The following ABL2 variants were observed in gnomAD, a reference collection of about 807,000 sequenced individuals.
ABL2 encodes the protein ABL proto-oncogene 2, non-receptor tyrosine kinase, also known as tyrosine-protein kinase ABL2.
In ABL2, 49 loss-of-function variants were observed where a neutral mutation model predicts 107.7. The ratio of observed to expected loss-of-function variants is 0.45; its 90% CI spans 0.36 to 0.58. The LOEUF is 0.58. Among genes scored for constraint, ABL2 ranks in the 20% least tolerant of loss-of-function variants. The pLI is 0.00. For synonymous variants in ABL2, 549 were observed against 548.6 expected, an observed-to-expected ratio of 1.00 and a Z score of -0.01; for missense variants, 1,245 against 1,457.0, an observed-to-expected ratio of 0.85 and a Z score of 2.37.
intron 1 of ABL2, among the ~76,000 whole-genome samples, chr1:179,173,176 G>A (rs1391863243): frequency 1.4e-5 from 2 of 146,598 alleles, no homozygotes; most frequent in African/African-American, 5.0e-5. Context: ...GGCGACAAGA[G>A]TGAAACTCGG....
rs2298067 is a variant in ABL2 at position 179,107,545 on chromosome 1, C to T, written c.*173G>A. ...ACCTCTCCTATACTTATGTGGTTTG[C>T]TTCTTATTTTTGAGATGAAACTGTA... On this transcript the variant is annotated 3_prime_UTR_variant, in exon 12 of 12. Coordinates refer to ENST00000502732, the MANE Select transcript of ABL2 (RefSeq NM_007314.4). 5.9e-4 allele frequency: 791 copies of T among 1,333,496 alleles called. 4 individuals carry two copies. The African/African-American group carries it at 8.8e-3, about 15-fold the overall frequency. 82.6% of individuals were successfully genotyped at this position (1,333,496 alleles called of 1,614,324 possible). A position where few individuals can be genotyped will look rare whatever the true frequency, so the allele number is the denominator to read the frequency against.
At position 179,105,595 on chromosome 1, in the gene ABL2, T is replaced by G. The variant is rs1175118255; in HGVS notation, c.*2123A>C. On this transcript the variant is annotated 3_prime_UTR_variant, in exon 12 of 12. Transcript: ENST00000502732. ...GAGATGAACCCAATCACTAGCTGCC[T>G]GTGCTGCAACTGCAGGTGACATACT... 1 of 228,768 alleles carries G rather than the reference T, an allele frequency of 4.4e-6. No individual in the cohort carries two copies. Among genetic ancestry groups the G allele is most frequent in the Non-Finnish European group, 8.7e-6 (1 of 115,382 alleles). The allele number at this position is 228,768 out of a possible 1,614,324, so 14.2% of individuals were successfully genotyped here.
chr1:179,129,506 AC>A (rs1656070317), intron 3 of ABL2, among the ~76,000 whole-genome samples: 2 of 151,974 alleles, frequency 1.3e-5, no homozygotes, highest in Admixed American at 1.3e-4. Flanking sequence ...CATGGGTGAA[AC>A]CCTGTCTCTA....
At position 179,108,388 on chromosome 1, in the gene ABL2, A is replaced by G; in HGVS notation, c.2879T>C (p.Leu960Pro). 2 of 1,614,140 alleles carry G rather than the reference A, an allele frequency of 1.2e-6. No homozygotes were observed. The highest frequency in any genetic ancestry group is 1.7e-6 in the Non-Finnish European group (2 of 1,180,032). The change falls in exon 12 of 12, where the codon CTC (leucine) becomes CCC (proline). Residue 960 changes from leucine (L) to proline (P), a missense_variant. Physicochemically the swap from Leu to Pro is moderately conservative, Grantham distance 98. Coordinates refer to ENST00000502732, the MANE Select transcript of ABL2 (RefSeq NM_007314.4). ...GGATGTGACCTGATGCTCAGATAAG[A>G]GCTTGAATTTATTCCCCTGAGAGTC... is the stretch of plus-strand genomic sequence containing the variant. ...GTDSQGNKFKLLSEHQVTSSG... is the reference protein window; with the variant it reads ...GTDSQGNKFKPLSEHQVTSSG...
chr1:179,170,843 C>T (rs1659678328), intron 1 of ABL2, among the ~76,000 whole-genome samples: 1 of 152,036 alleles, frequency 6.6e-6, no homozygotes, highest in South Asian at 2.1e-4. Flanking sequence ...GATCTGCCCG[C>T]CTCGGCCTCC....
At chr1:179,185,242 C>T (rs770705741) in intron 1 of ABL2, among the ~76,000 whole-genome samples, 1 of 152,070 alleles carries the variant, frequency 6.6e-6, no homozygotes, top group Admixed American at 6.6e-5. Flanking sequence ...ATGGGTTAAG[C>T]GGGCATTTTG....
intron 1 of ABL2, among the ~76,000 whole-genome samples, chr1:179,147,264 GA>G (rs1658063806): frequency 6.7e-6 from 1 of 150,084 alleles, no homozygotes; most frequent in Non-Finnish European, 1.5e-5. Context: ...ACTGTTGGTG[GA>G]AATGTAAGTT....
chr1:179,161,552 A>G (rs564056880), intron 1 of ABL2, among the ~76,000 whole-genome samples: 1 of 152,136 alleles, frequency 6.6e-6, no homozygotes, highest in Non-Finnish European at 1.5e-5. Flanking sequence ...TCTACAAAAA[A>G]TGAATAAAAT....
At chr1:179,208,330 G>A (rs977065668) in intron 1 of ABL2, among the ~76,000 whole-genome samples, 2 of 151,244 alleles carry the variant, frequency 1.3e-5, no homozygotes, top group African/African-American at 4.9e-5. Context: ...AGTTCCCAGT[G>A]TCTATTATTC....
intron 1 of ABL2, among the ~76,000 whole-genome samples, chr1:179,138,988 G>T (rs1253431425): frequency 6.6e-6 from 1 of 152,212 alleles, no homozygotes; most frequent in Non-Finnish European, 1.5e-5. Context: ...CTTAGCACCT[G>T]GGCCAGCGGC....
At chr1:179,209,624 G>A (rs774252156) in intron 1 of ABL2, among the ~76,000 whole-genome samples, 2 of 152,144 alleles carry the variant, frequency 1.3e-5, no homozygotes, top group Non-Finnish European at 2.9e-5. Flanking sequence ...TTACCCATCT[G>A]TAATTCAAAT....
chr1:179,144,073 C>T (rs569888233), intron 1 of ABL2, among the ~76,000 whole-genome samples: 1 of 152,108 alleles, frequency 6.6e-6, no homozygotes, highest in African/African-American at 2.4e-5. Context: ...AATTTAAAAA[C>T]CTGAAAATGA....
intron 1 of ABL2, among the ~76,000 whole-genome samples, chr1:179,171,177 GACTGGTGATT>G (rs1318937685): frequency 6.6e-6 from 1 of 152,190 alleles, no homozygotes; most frequent in Non-Finnish European, 1.5e-5. Context: ...GTTCTGATAT[GACTGGTGATT>G]GCCTTTATAA....
Position 179,131,442 on chromosome 1 carries a change from T to C in ABL2, c.260A>G (p.Gln87Arg), listed in dbSNP as rs1229741523. 2 of 1,613,972 alleles carry C rather than the reference T, an allele frequency of 1.2e-6. No individual in the cohort carries two copies. Residue 87 changes from glutamine to arginine, a missense_variant, in exon 3 of 12, where the codon CAG (glutamine) becomes CGG (arginine). Coordinates refer to ENST00000502732, the MANE Select transcript of ABL2 (RefSeq NM_007314.4). ...CCACCTGATAGCCTCATTTAGTGCC[T>C]GGGGTTCAACATCACAACCATAGGG... ...HRPYGCDVEPQALNEAIRWSS... is the reference protein window; with the variant it reads ...HRPYGCDVEPRALNEAIRWSS...
chr1:179,229,296 C>T lies in ABL2; in HGVS notation c.102G>A (p.Arg34=), dbSNP rs1400607575. ...GSSAARPSGR[R]RDPAGRTTET... ...CTGTGGTGCGCCCCGCCGGGTCCCG[C>T]CTGCGGCCGGAGGGCCTGGCTGCAC... The change falls in exon 1 of 12, where the codon AGG becomes AGA. Residue 34 remains arginine (R), a synonymous_variant. Coordinates refer to ENST00000502732, the MANE Select transcript of ABL2 (RefSeq NM_007314.4). 1 of 1,577,634 alleles carries T rather than the reference C, an allele frequency of 6.3e-7. No individual in the cohort carries two copies. Among genetic ancestry groups the T allele is most frequent in the Non-Finnish European group, 8.6e-7 (1 of 1,163,828 alleles).
At chr1:179,178,767 G>A (rs1660203907) in intron 1 of ABL2, among the ~76,000 whole-genome samples, 1 of 151,886 alleles carries the variant, frequency 6.6e-6, no homozygotes, top group Non-Finnish European at 1.5e-5. Context: ...GGCTGGGGGG[G>A]GTGCCTGTAA....
intron 1 of ABL2, among the ~76,000 whole-genome samples, chr1:179,157,379 C>A (rs1310370182): frequency 6.6e-6 from 1 of 151,918 alleles, no homozygotes; most frequent in Non-Finnish European, 1.5e-5. Flanking sequence ...TGCCTATAAT[C>A]TCAGCTACTC....
At chr1:179,198,307 A>G (rs564485545) in intron 1 of ABL2, among the ~76,000 whole-genome samples, 3 of 152,260 alleles carry the variant, frequency 2.0e-5, no homozygotes, top group African/African-American at 7.2e-5. Flanking sequence ...CAATTAGGGA[A>G]TCTAGGCAAA....
rs746777962 is a variant in ABL2, at chr1:179,108,334, A to T, written c.2933T>A (p.Val978Glu). 9.8e-5 allele frequency: 158 copies of T among 1,613,930 alleles called. 1 individual carries two copies. The South Asian group carries it at 1.7e-3, about 17-fold the overall frequency. Residue 978 changes from valine to glutamate, a missense_variant, in exon 12 of 12, where the codon GTA becomes GAA. This residue lies in a region of ABL2 where 761 missense variants were observed against 766.4 expected (regional missense o/e 0.99). Coordinates refer to ENST00000502732, the MANE Select transcript of ABL2 (RefSeq NM_007314.4). ...SSGDKDRPRRVKPKCAPPPPP... is the reference protein window; with the variant it reads ...SSGDKDRPRREKPKCAPPPPP... ...TGGGGGTGGGGCACACTTTGGTTTTACCCGTCGGGGTCGGTCCTTGTCTCC... is the reference window on the plus strand; with the variant it reads ...TGGGGGTGGGGCACACTTTGGTTTTTCCCGTCGGGGTCGGTCCTTGTCTCC...
Sources: allele counts gnomAD v4.1 joint callset (sites outside exome capture counted in the v4.1 genomes callset), GRCh38; gene constraint gnomAD v4.1.1; regional missense constraint gnomAD v4.1.1; transcripts MANE v1.5; gene names NCBI Gene and HGNC (gene_info 2026-07-23, HGNC 2026-07-21).